ARMC3: variants seen among roughly 807,000 people sequenced by gnomAD.
The protein encoded by ARMC3 is armadillo repeat-containing protein 3.
A neutral mutation model predicts 90.3 loss-of-function variants in ARMC3; 74 were observed. That is an observed-to-expected ratio of 0.82 (90% CI 0.68 to 0.99). ARMC3 has a LOEUF of 0.99. Ranked by LOEUF, ARMC3 falls within the 50% of genes least tolerant of loss-of-function variation. The probability of loss-of-function intolerance (pLI) is 0.00; values close to 1 mark genes in which losing one functional copy is unlikely to be tolerated. For missense variants in ARMC3, 958 were observed against 1,042.8 expected (o/e 0.92, Z 1.12); for synonymous variants, 334 against 361.8 (o/e 0.92, Z 0.87).
chr10:22,950,938 C>CTTTT (rs1192107878), intron 3 of ARMC3, among the ~76,000 whole-genome samples: 3 of 137,090 alleles, frequency 2.2e-5, no homozygotes, highest in Non-Finnish European at 4.8e-5. Flanking sequence ...TGTGAAAAAT[C>CTTTT]TTTTTTTTTT....
intron 6 of ARMC3, 164 bp downstream of exon 6, chr10:22,959,738 T>G (rs1226472389): frequency 5.2e-5 from 37 of 709,232 alleles, no homozygotes; most frequent in Non-Finnish European, 8.5e-5. Context: ...AAGCTTAATG[T>G]AGATAATCTT....
At chr10:23,015,979 C>A (rs1486863196) in intron 16 of ARMC3, among the ~76,000 whole-genome samples, 1 of 152,044 alleles carries the variant, frequency 6.6e-6, no homozygotes, top group Admixed American at 6.6e-5. Context: ...AGTGAGAAGA[C>A]AGACAACAAA....
intron 10 of ARMC3, 37 bp from the exon 11 acceptor site, chr10:22,998,111 C>G: frequency 6.3e-7 from 1 of 1,597,674 alleles, no homozygotes; most frequent in South Asian, 1.1e-5. Flanking sequence ...TTTTTGAATT[C>G]AGATGAATCA....
chr10:22,983,483 T>G (rs904879677), intron 10 of ARMC3, among the ~76,000 whole-genome samples: 2 of 152,222 alleles, frequency 1.3e-5, no homozygotes, highest in African/African-American at 4.8e-5. Flanking sequence ...AATATAATTT[T>G]ATTCTTGTAA....
At chr10:23,035,230 G>C (rs1006597720) in intron 18 of ARMC3, among the ~76,000 whole-genome samples, 8 of 152,036 alleles carry the variant, frequency 5.3e-5, no homozygotes, top group Non-Finnish European at 8.8e-5. Flanking sequence ...TCTTATTATA[G>C]GGACACTAAT....
At chr10:23,024,149 T>C (rs1189453539) in intron 16 of ARMC3, among the ~76,000 whole-genome samples, 1 of 152,158 alleles carries the variant, frequency 6.6e-6, no homozygotes, top group East Asian at 1.9e-4. Flanking sequence ...TATTTGAAAC[T>C]ATAGAAGCCA....
rs373702799 is a variant in ARMC3 at position 23,006,726 on chromosome 10, T to C, written c.1732-158T>C. The stretch of plus-strand genomic sequence containing the variant: ...GGCAAGAACATCCACAAGCTTCAGG[T>C]TCCTATTTCTAATTTTATATATGTA... On this transcript the variant is annotated intron_variant, in intron 13 of 18. Transcript: ENST00000298032. The C allele has an allele frequency of 1.4e-4, 83 of 604,848 alleles. No homozygotes were observed. In the East Asian group the frequency reaches 2.1e-3, roughly 15 times the overall value. The allele number at this position is 604,848 out of a possible 1,614,324, so 37.5% of individuals were successfully genotyped here.
chr10:23,030,918 C>A (rs942247582), intron 17 of ARMC3, 122 bp downstream of exon 17: 1 of 1,073,652 alleles, frequency 9.3e-7, no homozygotes, highest in Non-Finnish European at 1.3e-6. Context: ...CACTCTGACT[C>A]TGACACAGAA....
intron 8 of ARMC3, among the ~76,000 whole-genome samples, chr10:22,975,136 G>C (rs1019618041): frequency 1.3e-5 from 2 of 152,002 alleles, no homozygotes; most frequent in Non-Finnish European, 2.9e-5. Flanking sequence ...TTTTTTTAAG[G>C]TATATCCAAT....
At chr10:22,987,721 C>T (rs944418636) in intron 10 of ARMC3, among the ~76,000 whole-genome samples, 2 of 152,190 alleles carry the variant, frequency 1.3e-5, no homozygotes, top group African/African-American at 4.8e-5. Context: ...ATGTCATCCC[C>T]ATGAAGAACT....
intron 4 of ARMC3, among the ~76,000 whole-genome samples, chr10:22,957,747 A>T (rs57927773): frequency 0.036 from 5,507 of 152,260 alleles, 311 homozygotes; most frequent in African/African-American, 0.12. Flanking sequence ...GGCCTTCCTA[A>T]ATTTATCACA....
chr10:23,010,424 C>T (rs1170649930), intron 16 of ARMC3, among the ~76,000 whole-genome samples: 3 of 22,950 alleles, frequency 1.3e-4, no homozygotes, highest in East Asian at 2.4e-3. Flanking sequence ...TCCCTCCCAC[C>T]CCTTCCCTTC....
At chr10:22,937,675 T>C (rs1443709366) in intron 2 of ARMC3, among the ~76,000 whole-genome samples, 1 of 152,222 alleles carries the variant, frequency 6.6e-6, no homozygotes, top group African/African-American at 2.4e-5. Context: ...CTTCAAAGCC[T>C]ACTGATAGCT....
At position 22,999,883 on chromosome 10, in the gene ARMC3, A is replaced by C. The variant is rs149970206; in HGVS notation, c.1425+1486A>C. On this transcript the variant is annotated intron_variant, in intron 11 of 18. Coordinates refer to ENST00000298032, the MANE Select transcript of ARMC3 (RefSeq NM_173081.5). ...CCACTCAGGTAGCGGTAGGCACCAG[A>C]TATGTATTTACCAAGTACTGCGTGC... 5.9e-5 allele frequency among the ~76,000 whole-genome samples: 9 copies of C among 152,252 alleles called. No homozygotes were observed. In the East Asian group the frequency reaches 1.7e-3, roughly 29 times the overall value.
chr10:22,987,777 TG>T (rs1209865623), intron 10 of ARMC3, among the ~76,000 whole-genome samples: 2 of 152,220 alleles, frequency 1.3e-5, no homozygotes, highest in Non-Finnish European at 2.9e-5. Flanking sequence ...ACCATTTCTT[TG>T]CTTTTTATTT....
chr10:23,037,489 C>T lies in ARMC3; in HGVS notation c.*10C>T, dbSNP rs199504671. Reference sequence around the variant, plus strand: ...TTACAGATTCATTTAAGCCATCAGACGAACACAAGAGAGGCTCAAACAAGA... The same window carrying T: ...TTACAGATTCATTTAAGCCATCAGATGAACACAAGAGAGGCTCAAACAAGA... On this transcript the variant is annotated 3_prime_UTR_variant, in exon 19 of 19. Coordinates refer to ENST00000298032, the MANE Select transcript of ARMC3 (RefSeq NM_173081.5). The T allele has an allele frequency of 2.7e-5, 44 of 1,607,036 alleles. No individual in the cohort carries two copies. The highest frequency in any genetic ancestry group is 3.5e-5 in the Non-Finnish European group (41 of 1,175,672).
intron 3 of ARMC3, among the ~76,000 whole-genome samples, chr10:22,952,588 AC>A (rs1288500884): frequency 3.3e-5 from 5 of 152,204 alleles, no homozygotes; most frequent in African/African-American, 4.8e-5. Context: ...GGTGAATTCT[AC>A]CAAACCTTTA....
chr10:23,032,721 T>G, intron 17 of ARMC3, 140 bp from the exon 18 acceptor site: 1 of 823,350 alleles, frequency 1.2e-6, no homozygotes. Flanking sequence ...TATTTATGGT[T>G]AGTACTTTCT....
intron 11 of ARMC3, among the ~76,000 whole-genome samples, chr10:23,000,718 G>A (rs12240971): frequency 0.023 from 3,520 of 152,260 alleles, 144 homozygotes; most frequent in African/African-American, 0.082. Flanking sequence ...AGCTGTCCAA[G>A]TAATGTGTGA....
Sources: gnomAD v4.1 joint callset for allele counts (sites outside exome capture counted in the v4.1 genomes callset) on GRCh38, gnomAD v4.1.1 for gene constraint, MANE v1.5 for transcripts, NCBI Gene and HGNC (gene_info 2026-07-23, HGNC 2026-07-21) for gene names.